Variants in CTNNA3 observed in about 807,000 individuals in gnomAD.
CTNNA3 encodes the protein catenin alpha-3.
A neutral mutation model predicts 95.7 loss-of-function variants in CTNNA3; 76 were observed. The observed-to-expected ratio is 0.79, with a 90% CI of 0.66 to 0.96. The LOEUF (loss-of-function observed/expected upper bound fraction) is 0.96. Among genes scored for constraint, CTNNA3 ranks in the 40% least tolerant of loss-of-function variants. The pLI is 0.00. For synonymous variants in CTNNA3, 431 were observed against 374.4 expected, an observed-to-expected ratio of 1.15 and a Z score of -1.74; for missense variants, 1,191 against 1,089.8, an observed-to-expected ratio of 1.09 and a Z score of -1.31.
chr10:67,594,437 T>C (rs1242874940), intron 3 of CTNNA3, among the ~76,000 whole-genome samples: 1 of 152,178 alleles, frequency 6.6e-6, no homozygotes, highest in Non-Finnish European at 1.5e-5. Flanking sequence ...CAGAACTCAT[T>C]ACTGATCTGT....
At chr10:67,551,618 G>C (rs1157080839) in intron 3 of CTNNA3, among the ~76,000 whole-genome samples, 1 of 152,182 alleles carries the variant, frequency 6.6e-6, no homozygotes, top group Non-Finnish European at 1.5e-5. Flanking sequence ...CTTCAGAGCT[G>C]TAAACATTCG....
intron 10 of CTNNA3, among the ~76,000 whole-genome samples, chr10:66,577,264 C>T (rs1244611474): frequency 1.3e-5 from 2 of 151,878 alleles, no homozygotes; most frequent in African/African-American, 4.8e-5. Flanking sequence ...TATTTTCTCC[C>T]ATTCAGAAGG....
intron 7 of CTNNA3, among the ~76,000 whole-genome samples, chr10:66,808,975 A>G (rs1398475380): frequency 4.6e-5 from 7 of 152,204 alleles, no homozygotes; most frequent in Admixed American, 4.6e-4. Context: ...TTCTTGCAGC[A>G]TGAATGTTAT....
At chr10:67,502,916 G>A (rs1022633322) in intron 5 of CTNNA3, among the ~76,000 whole-genome samples, 1 of 152,146 alleles carries the variant, frequency 6.6e-6, no homozygotes, top group African/African-American at 2.4e-5. Context: ...TGTTGGGGTG[G>A]GATCCGCTGA....
intron 7 of CTNNA3, among the ~76,000 whole-genome samples, chr10:66,807,658 T>C (rs75027276): frequency 0.011 from 1,730 of 152,282 alleles, 38 homozygotes; most frequent in African/African-American, 0.039. Flanking sequence ...CAGTGTCTAT[T>C]AGCTCAAAAC....
At chr10:67,644,530 T>A (rs1043366250) in intron 2 of CTNNA3, among the ~76,000 whole-genome samples, 10 of 152,072 alleles carry the variant, frequency 6.6e-5, no homozygotes, top group African/African-American at 2.4e-4. Context: ...AATGAGATAT[T>A]TTATTTGTGT....
intron 7 of CTNNA3, among the ~76,000 whole-genome samples, chr10:67,000,006 T>A (rs1033332805): frequency 6.6e-6 from 1 of 152,214 alleles, no homozygotes; most frequent in Non-Finnish European, 1.5e-5. Context: ...TACTAACACT[T>A]CAATTTATGG....
chr10:67,591,423 T>C (rs1401960361), intron 3 of CTNNA3, among the ~76,000 whole-genome samples: 1 of 152,024 alleles, frequency 6.6e-6, no homozygotes, highest in Non-Finnish European at 1.5e-5. Flanking sequence ...ACAAATTAGA[T>C]ATGGATATTA....
At chr10:66,451,666 T>A (rs1241992414) in intron 11 of CTNNA3, among the ~76,000 whole-genome samples, 1 of 152,158 alleles carries the variant, frequency 6.6e-6, no homozygotes, top group African/African-American at 2.4e-5. Context: ...TTCAAGACTT[T>A]AAGACAAGAC....
intron 5 of CTNNA3, among the ~76,000 whole-genome samples, chr10:67,473,050 T>C (rs1471663473): frequency 6.6e-6 from 1 of 152,242 alleles, no homozygotes; most frequent in African/African-American, 2.4e-5. Context: ...TCATGAATAC[T>C]TGAATGCTAT....
At chr10:66,718,143 T>G (rs1848512021) in intron 9 of CTNNA3, among the ~76,000 whole-genome samples, 1 of 151,474 alleles carries the variant, frequency 6.6e-6, no homozygotes, top group Non-Finnish European at 1.5e-5. Context: ...ATTAACCTTT[T>G]TTTTTTCTGT....
rs186148429 is a variant in CTNNA3 at position 67,319,362 on chromosome 10, A to G, written c.580-99492T>C. Among the ~76,000 whole-genome samples the G allele has an allele frequency of 2.0e-5, 3 of 152,146 alleles. No homozygotes were observed. The East Asian group carries it at 5.8e-4, about 29-fold the overall frequency. On this transcript the variant is annotated intron_variant, in intron 5 of 17. Transcript: ENST00000433211. ...ATATACAAGTCCTGTGAGTCCTCCT[A>G]GCAAGTCATAGGGACCAGGGGTAAT...
At chr10:66,114,354 G>GTA (rs562614927) in intron 13 of CTNNA3, among the ~76,000 whole-genome samples, 29 of 151,510 alleles carry the variant, frequency 1.9e-4, no homozygotes, top group African/African-American at 5.6e-4. Context: ...CTGAATATCT[G>GTA]TATATATATG....
At chr10:65,987,291 T>C (rs2133321393) in intron 16 of CTNNA3, among the ~76,000 whole-genome samples, 1 of 151,808 alleles carries the variant, frequency 6.6e-6, no homozygotes, top group African/African-American at 2.4e-5. Context: ...TTTCATACTA[T>C]TTGACAAGGG....
At chr10:66,694,681 T>C (rs189569921) in intron 9 of CTNNA3, among the ~76,000 whole-genome samples, 3 of 152,258 alleles carry the variant, frequency 2.0e-5, no homozygotes, top group Admixed American at 2.0e-4. Context: ...AACAGGTAGA[T>C]TAGGTGCTCG....
At chr10:67,462,694 T>C (rs1430417784) in intron 5 of CTNNA3, among the ~76,000 whole-genome samples, 6 of 152,064 alleles carry the variant, frequency 3.9e-5, no homozygotes, top group African/African-American at 1.4e-4. Context: ...TAACAATGAG[T>C]AAAGGGAAGA....
intron 13 of CTNNA3, among the ~76,000 whole-genome samples, chr10:66,118,896 T>C (rs2082452478): frequency 6.6e-6 from 1 of 151,998 alleles, no homozygotes; most frequent in Non-Finnish European, 1.5e-5. Context: ...CTATTCTTTT[T>C]ATATTTATAT....
chr10:66,096,321 A>G (rs1391159549), intron 14 of CTNNA3, among the ~76,000 whole-genome samples: 1 of 152,150 alleles, frequency 6.6e-6, no homozygotes, highest in African/African-American at 2.4e-5. Flanking sequence ...CAGGCGGAGG[A>G]AAGAATGACT....
At chr10:66,771,117 C>A (rs2132806506) in intron 8 of CTNNA3, among the ~76,000 whole-genome samples, 1 of 152,082 alleles carries the variant, frequency 6.6e-6, no homozygotes, top group South Asian at 2.1e-4. Flanking sequence ...GAGAGATGGA[C>A]CTAACAATTC....
Sources: gnomAD v4.1 joint callset for allele counts (sites outside exome capture counted in the v4.1 genomes callset) on GRCh38, gnomAD v4.1.1 for gene constraint, MANE v1.5 for transcripts, NCBI Gene and HGNC (gene_info 2026-07-23, HGNC 2026-07-21) for gene names.